INKA2: variants seen among roughly 807,000 people sequenced by gnomAD.
The protein encoded by INKA2 is PAK4-inhibitor INKA2.
Under a neutral mutation model 9.8 loss-of-function variants are expected in INKA2, and 3 were observed. That is an observed-to-expected ratio of 0.31 (90% CI 0.14 to 0.79). The LOEUF (loss-of-function observed/expected upper bound fraction) is 0.79. INKA2 is among the 30% of genes least tolerant of loss of function. The pLI is 0.62. For missense variants in INKA2, 392 were observed against 384.4 expected, an observed-to-expected ratio of 1.02 and a Z score of -0.17; for synonymous variants, 147 against 143.3, an observed-to-expected ratio of 1.03 and a Z score of -0.18.
chr1:111,740,971 TAAAAA>T (rs869221820), upstream of INKA2, among the ~76,000 whole-genome samples: 43 of 38,402 alleles, frequency 1.1e-3, 7 homozygotes, highest in South Asian at 3.8e-3. Context: ...AAACTCCGTT[TAAAAA>T]AAAAAAAAAA....
At position 111,726,710 on chromosome 1, in the gene INKA2, T is replaced by TGCACACACACAC; in HGVS notation, c.*246_*257dup. 1 of 482,170 alleles carries TGCACACACACAC rather than the reference T, an allele frequency of 2.1e-6. No homozygotes were observed. The highest frequency in any genetic ancestry group is 3.7e-6 in the Non-Finnish European group (1 of 269,768). The allele number at this position is 482,170 out of a possible 1,614,324, so 29.9% of individuals were successfully genotyped here. A position where few individuals can be genotyped will look rare whatever the true frequency, so the allele number is the denominator to read the frequency against. ...CATGCATGCCAGACAGACACACACA[T>TGCACACACACAC]GCACACACACACACACACACGCACA... On this transcript the variant is annotated 3_prime_UTR_variant, in exon 2 of 2. Coordinates refer to ENST00000357260, the MANE Select transcript of INKA2 (RefSeq NM_019099.5).
upstream of INKA2, among the ~76,000 whole-genome samples, chr1:111,740,826 G>A (rs890318339): frequency 1.1e-4 from 17 of 152,118 alleles, no homozygotes; most frequent in African/African-American, 4.1e-4. Context: ...TACAAAATTA[G>A]CTGGGCGTGG....
chr1:111,754,162 G>A (rs1402499453), intron 1 of INKA2: 1 of 152,226 alleles, frequency 6.6e-6, no homozygotes, highest in Non-Finnish European at 1.5e-5. Context: ...TAAATTGTTA[G>A]AAAGTGGCAA....
intron 1 of INKA2, chr1:111,755,590 T>G: frequency 7.8e-7 from 1 of 1,282,074 alleles, no homozygotes; most frequent in Non-Finnish European, 1.1e-6. Context: ...GAGAGGGCGG[T>G]GGCGCCGGGG....
chr1:111,755,663 C>G, intron 1 of INKA2: 1 of 1,611,890 alleles, frequency 6.2e-7, no homozygotes, highest in South Asian at 1.1e-5. Flanking sequence ...CCACCGCAGG[C>G]CCGCGGCGCC....
chr1:111,743,215 G>A (rs1030830455), upstream of INKA2, among the ~76,000 whole-genome samples: 1 of 152,158 alleles, frequency 6.6e-6, no homozygotes, highest in Non-Finnish European at 1.5e-5. Flanking sequence ...TCAGCCTGGA[G>A]GAAGGATGAG....
chr1:111,731,956 T>A (rs946470610), intron 1 of INKA2, among the ~76,000 whole-genome samples: 1 of 152,100 alleles, frequency 6.6e-6, no homozygotes, highest in Non-Finnish European at 1.5e-5. Context: ...GGAAGGGAAG[T>A]CTTGGCACCC....
rs770602469 is a variant in INKA2 at position 111,723,135 on chromosome 1, G to C, written c.*3833C>G. 9 of 698,350 alleles carry C rather than the reference G, an allele frequency of 1.3e-5. No homozygotes were observed. Among genetic ancestry groups the C allele is most frequent in the South Asian group, 8.9e-5 (6 of 67,124 alleles). The allele number at this position is 698,350 out of a possible 1,614,324, so 43.3% of individuals were successfully genotyped here. On this transcript the variant is annotated 3_prime_UTR_variant, in exon 2 of 2. Coordinates refer to ENST00000357260, the MANE Select transcript of INKA2 (RefSeq NM_019099.5). The stretch of plus-strand genomic sequence containing the variant: ...ACCGGATGGGGAAGGCACCTGAGGT[G>C]GGTTCTGGCTGCTCTGGAGAAGGTG...
Position 111,726,727 on chromosome 1 carries a change from A to G in INKA2, c.*241T>C. 4 of 566,364 alleles carry G rather than the reference A, an allele frequency of 7.1e-6. No individual in the cohort carries two copies. The highest frequency in any genetic ancestry group is 3.0e-5 in the East Asian group (1 of 32,964). 35.1% of individuals were successfully genotyped at this position (566,364 alleles called of 1,614,324 possible). On this transcript the variant is annotated 3_prime_UTR_variant, in exon 2 of 2. Coordinates refer to ENST00000357260, the MANE Select transcript of INKA2 (RefSeq NM_019099.5). ...CACACACATGCACACACACACACAC[A>G]CACGCACAGCTCACTCTCCAGCTAC...
intron 1 of INKA2, among the ~76,000 whole-genome samples, chr1:111,748,524 C>T (rs1181356188): frequency 1.3e-5 from 2 of 152,220 alleles, no homozygotes; most frequent in Admixed American, 1.3e-4. Context: ...GTGTCAGTTT[C>T]TACAGTCTGT....
At chr1:111,740,384 TG>T (rs1436371992), upstream of INKA2, among the ~76,000 whole-genome samples, 1 of 151,710 alleles carries the variant, frequency 6.6e-6, no homozygotes, top group South Asian at 2.1e-4. Context: ...CGCAGACCGG[TG>T]GGGGGTGCTC....
intron 1 of INKA2, among the ~76,000 whole-genome samples, chr1:111,751,486 A>G (rs1048328154): frequency 6.6e-6 from 1 of 152,232 alleles, no homozygotes; most frequent in Non-Finnish European, 1.5e-5. Flanking sequence ...GAAAGAGCCT[A>G]GACTTTGCTG....
rs923018022 is a variant in INKA2, at chr1:111,724,740, G to C, written c.*2228C>G. The C allele has an allele frequency of 6.6e-6, 1 of 152,306 alleles. No homozygotes were observed. Among genetic ancestry groups the C allele is most frequent in the Non-Finnish European group, 1.5e-5 (1 of 68,052 alleles). The allele number at this position is 152,306 out of a possible 1,614,324, so 9.4% of individuals were successfully genotyped here. A position where few individuals can be genotyped will look rare whatever the true frequency, so the allele number is the denominator to read the frequency against. ...GGATTTGCAGTGGCTGGCTCCACCA[G>C]AGTGGGCTTGCTCAGTTGGCAAACT... On this transcript the variant is annotated 3_prime_UTR_variant, in exon 2 of 2. Coordinates refer to ENST00000357260, the MANE Select transcript of INKA2 (RefSeq NM_019099.5).
In INKA2 at chr1:111,750,665, G is replaced by A. The variant is rs559652141; in HGVS notation, n.124+5036C>T. On this transcript the variant is annotated intron_variant and non_coding_transcript_variant, in intron 1 of 1. Transcript: ENST00000444059. The stretch of plus-strand genomic sequence containing the variant: ...AGATCTAAGAAACAGTGTGTGTTGT[G>A]GGCCTTTCCATTACTTGCCTCATAT... 2.6e-5 allele frequency among the ~76,000 whole-genome samples: 4 copies of A among 152,248 alleles called. No individual in the cohort carries two copies. The South Asian group carries it at 8.3e-4, about 32-fold the overall frequency.
At position 111,727,136 on chromosome 1, in the gene INKA2, G is replaced by A. The variant is rs138822791; in HGVS notation, c.726C>T (p.Thr242=). The A allele has an allele frequency of 3.7e-6, 6 of 1,614,084 alleles. No individual in the cohort carries two copies. Among genetic ancestry groups the A allele is most frequent in the East Asian group, 4.5e-5 (2 of 44,892 alleles). Residue 242 remains threonine, a synonymous_variant, in exon 2 of 2, where the codon ACC becomes ACT. Coordinates refer to ENST00000357260, the MANE Select transcript of INKA2 (RefSeq NM_019099.5). ...WVTPMVPESR[T]GRSQKVKKRS... ...GCTTCTTGACCTTCTGTGAGCGGCC[G>A]GTTCGGGACTCAGGGACCATGGGTG...
At position 111,726,240 on chromosome 1, in the gene INKA2, G is replaced by A. The variant is rs1662766666; in HGVS notation, c.*728C>T. 2.6e-6 allele frequency: 1 copy of A among 391,512 alleles called. No homozygotes were observed. Among genetic ancestry groups the A allele is most frequent in the Non-Finnish European group, 4.5e-6 (1 of 221,948 alleles). The allele number at this position is 391,512 out of a possible 1,614,324, so 24.3% of individuals were successfully genotyped here. On this transcript the variant is annotated 3_prime_UTR_variant, in exon 2 of 2. Transcript: ENST00000357260. ...TCAAATGAGACCATGGAGATGAAAA[G>A]GCATTCAAACAGCCCAGTGCTATGT...
chr1:111,743,977 G>A (rs1334777111), upstream of INKA2, among the ~76,000 whole-genome samples: 1 of 152,258 alleles, frequency 6.6e-6, no homozygotes, highest in Non-Finnish European at 1.5e-5. Flanking sequence ...TCTAGGGAGA[G>A]GACCTTGCCT....
chr1:111,737,060 TG>T (rs1470630773), intron 1 of INKA2, among the ~76,000 whole-genome samples: 11 of 151,574 alleles, frequency 7.3e-5, no homozygotes, highest in Non-Finnish European at 2.9e-5. Flanking sequence ...TGGAGCACCA[TG>T]GGGGGTAGTG....
chr1:111,752,196 T>C (rs1379208958), intron 1 of INKA2, among the ~76,000 whole-genome samples: 1 of 152,346 alleles, frequency 6.6e-6, no homozygotes, highest in East Asian at 1.9e-4. Flanking sequence ...GGATCAGGGC[T>C]GTTTATCAGT....
Sources: allele counts gnomAD v4.1 joint callset (sites outside exome capture counted in the v4.1 genomes callset), GRCh38; gene constraint gnomAD v4.1.1; transcripts MANE v1.5; gene names NCBI Gene and HGNC (gene_info 2026-07-23, HGNC 2026-07-21).